TTLL11: variants seen among roughly 807,000 people sequenced by gnomAD.
TTLL11 encodes tubulin tyrosine ligase like 11.
TTLL11 carries 42 observed loss-of-function variants against 51.7 expected under a neutral mutation model. That is an observed-to-expected ratio of 0.81 (90% CI 0.64 to 1.05). The LOEUF is 1.05. Among genes scored for constraint, TTLL11 ranks in the 50% least tolerant of loss-of-function variants. TTLL11 has a pLI of 0.00. For synonymous variants in TTLL11, 381 were observed against 383.5 expected (o/e 0.99, Z 0.08); for missense variants, 799 against 940.4 (o/e 0.85, Z 1.97).
intron 6 of TTLL11, among the ~76,000 whole-genome samples, chr9:121,901,686 T>C (rs1235481998): frequency 6.6e-6 from 1 of 152,078 alleles, no homozygotes; most frequent in African/African-American, 2.4e-5. Flanking sequence ...GAGAATGTGA[T>C]CTTTCAGTGG....
chr9:121,922,919 C>T (rs1270340005), intron 6 of TTLL11, among the ~76,000 whole-genome samples: 2 of 152,070 alleles, frequency 1.3e-5, no homozygotes, highest in African/African-American at 4.8e-5. Flanking sequence ...AACACGGCCA[C>T]CCTCATTAAC....
chr9:122,079,794 A>G (rs1845954277), intron 1 of TTLL11, among the ~76,000 whole-genome samples: 1 of 152,076 alleles, frequency 6.6e-6, no homozygotes, highest in Non-Finnish European at 1.5e-5. Context: ...ACCTCTGGGT[A>G]GAAGATCAGG....
chr9:121,970,144 TTCTAACTGTTCCTGG>T (rs1032041464), intron 6 of TTLL11, among the ~76,000 whole-genome samples: 2 of 152,244 alleles, frequency 1.3e-5, no homozygotes, highest in African/African-American at 4.8e-5. Context: ...AAGTTCCAAC[TTCTAACTGTTCCTGG>T]TTATCAATAA....
intron 6 of TTLL11, among the ~76,000 whole-genome samples, chr9:121,953,154 GA>G (rs1841900908): frequency 6.6e-6 from 1 of 152,112 alleles, no homozygotes; most frequent in Non-Finnish European, 1.5e-5. Context: ...TAAGGAGGAG[GA>G]AAATGGAGGA....
At chr9:121,826,469 A>ATATATATATGTGTG (rs1836779647) in intron 8 of TTLL11, among the ~76,000 whole-genome samples, 1 of 27,122 alleles carries the variant, frequency 3.7e-5, no homozygotes, top group African/African-American at 8.0e-5. Flanking sequence ...ATATGTGTGT[A>ATATATATATGTGTG]TATATATATA....
At chr9:121,968,801 T>C (rs1294006047) in intron 6 of TTLL11, among the ~76,000 whole-genome samples, 2 of 151,948 alleles carry the variant, frequency 1.3e-5, no homozygotes, top group Admixed American at 6.5e-5. Flanking sequence ...CCTTGTGATC[T>C]GCTGTTGAGT....
At chr9:122,075,808 CT>C (rs1374377954) in intron 1 of TTLL11, among the ~76,000 whole-genome samples, 3 of 152,124 alleles carry the variant, frequency 2.0e-5, no homozygotes, top group African/African-American at 7.2e-5. Context: ...AAACCTAAGG[CT>C]TTTGGGCTTA....
At chr9:122,026,617 T>C (rs759437157) in intron 3 of TTLL11, among the ~76,000 whole-genome samples, 1 of 152,132 alleles carries the variant, frequency 6.6e-6, no homozygotes, top group Non-Finnish European at 1.5e-5. Flanking sequence ...ATGTCGATTA[T>C]ATCTCAATAA....
intron 3 of TTLL11, among the ~76,000 whole-genome samples, chr9:122,025,913 T>C (rs563594736): frequency 1.0e-3 from 158 of 152,288 alleles, no homozygotes; most frequent in Non-Finnish European, 1.8e-3. Context: ...GGTGAAGGTC[T>C]AAGCAAACTG....
At chr9:121,852,250 G>C (rs1183554478) in intron 8 of TTLL11, among the ~76,000 whole-genome samples, 1 of 152,234 alleles carries the variant, frequency 6.6e-6, no homozygotes, top group Non-Finnish European at 1.5e-5. Context: ...CAGAGAAAAA[G>C]CTACTGTTTG....
intron 2 of TTLL11, among the ~76,000 whole-genome samples, chr9:122,034,912 CT>C (rs922605976): frequency 4.6e-5 from 7 of 152,210 alleles, no homozygotes; most frequent in African/African-American, 1.7e-4. Flanking sequence ...CAATTCTGAA[CT>C]GAGATCGAAG....
intron 6 of TTLL11, among the ~76,000 whole-genome samples, chr9:121,900,338 C>T (rs117105062): frequency 0.018 from 2,742 of 152,312 alleles, 42 homozygotes; most frequent in Middle Eastern, 0.044. Context: ...GTTACTGTTG[C>T]GAAGTCAGCT....
intron 8 of TTLL11, among the ~76,000 whole-genome samples, chr9:121,835,636 A>G (rs1198734524): frequency 6.6e-6 from 1 of 152,270 alleles, no homozygotes; most frequent in Non-Finnish European, 1.5e-5. Context: ...AGCCAGCAGC[A>G]CCAAAATAAC....
intron 3 of TTLL11, among the ~76,000 whole-genome samples, chr9:122,029,163 T>C (rs1844445611): frequency 1.3e-5 from 2 of 152,166 alleles, no homozygotes; most frequent in Admixed American, 6.5e-5. Flanking sequence ...TATAATACAA[T>C]TATGCACTGT....
At chr9:121,998,646 G>A (rs927684601) in intron 3 of TTLL11, among the ~76,000 whole-genome samples, 1 of 151,520 alleles carries the variant, frequency 6.6e-6, no homozygotes, top group Non-Finnish European at 1.5e-5. Flanking sequence ...CTCAAACAAG[G>A]TGCCCTCCCT....
At chr9:122,073,244 T>C (rs559894006) in intron 1 of TTLL11, among the ~76,000 whole-genome samples, 2 of 151,968 alleles carry the variant, frequency 1.3e-5, no homozygotes, top group African/African-American at 4.8e-5. Context: ...ACCCCATCTC[T>C]ACTAAAATAC....
At chr9:121,885,157 C>T (rs1838961551) in intron 6 of TTLL11, 1 of 152,182 alleles carries the variant, frequency 6.6e-6, no homozygotes, top group South Asian at 2.1e-4. Flanking sequence ...CCAGATAGCC[C>T]ACTTGCATCT....
At chr9:121,868,427 G>A (rs1301562060) in intron 7 of TTLL11, among the ~76,000 whole-genome samples, 1 of 152,216 alleles carries the variant, frequency 6.6e-6, no homozygotes, top group African/African-American at 2.4e-5. Flanking sequence ...TAAGATGGAA[G>A]TGGAAGTCAC....
chr9:121,977,203 T>G (rs1044102832), intron 4 of TTLL11, among the ~76,000 whole-genome samples: 4 of 152,154 alleles, frequency 2.6e-5, no homozygotes, highest in Non-Finnish European at 5.9e-5. Flanking sequence ...GAGTGCATGT[T>G]TTTGAATATG....
Sources: allele counts gnomAD v4.1 joint callset (sites outside exome capture counted in the v4.1 genomes callset), GRCh38; gene constraint gnomAD v4.1.1; transcripts MANE v1.5; gene names NCBI Gene and HGNC (gene_info 2026-07-23, HGNC 2026-07-21).